POM121: variants seen among roughly 807,000 people sequenced by gnomAD.
POM121 encodes the protein POM121 transmembrane nucleoporin.
POM121 carries 32 observed loss-of-function variants against 81.3 expected under a neutral mutation model. That is an observed-to-expected ratio of 0.39 (90% CI 0.30 to 0.53). The LOEUF (loss-of-function observed/expected upper bound fraction) is 0.53. Among genes scored for constraint, POM121 ranks in the 20% least tolerant of loss-of-function variants. The pLI is 0.66. For synonymous variants in POM121, 514 were observed against 694.2 expected (o/e 0.74, Z 4.08); for missense variants, 1,138 against 1,614.6 (o/e 0.70, Z 5.06).
At chr7:72,897,642 A>T (rs1183517148) in intron 3 of POM121, among the ~76,000 whole-genome samples, 2 of 152,222 alleles carry the variant, frequency 1.3e-5, no homozygotes, top group Non-Finnish European at 2.9e-5. Context: ...CCTGGTTATA[A>T]GGCAGCACTC....
upstream of POM121, among the ~76,000 whole-genome samples, chr7:72,923,569 G>C (rs1242734331): frequency 2.1e-5 from 3 of 144,032 alleles, no homozygotes; most frequent in African/African-American, 7.9e-5. Context: ...ACTACAGGCA[G>C]GCGCCACCAC....
At chr7:72,950,298 G>A, downstream of POM121, 3 of 1,000,224 alleles carry the variant, frequency 3.0e-6, no homozygotes, top group Non-Finnish European at 4.4e-6. Flanking sequence ...CAGCTATGGA[G>A]AAATCAACAG....
At chr7:72,920,351 T>TA (rs1320207728), upstream of POM121, among the ~76,000 whole-genome samples, 120 of 148,394 alleles carry the variant, frequency 8.1e-4, no homozygotes, top group African/African-American at 2.8e-3. Context: ...TGGTCTTTTT[T>TA]TTTTTTTTTT....
downstream of POM121, chr7:72,948,969 G>A (rs1554504127): frequency 1.2e-5 from 19 of 1,610,994 alleles, no homozygotes; most frequent in Non-Finnish European, 1.6e-5. Context: ...AGCACATGGA[G>A]TAGACGAGCC....
At chr7:72,885,803 C>T (rs1275776356) in intron 1 of POM121, among the ~76,000 whole-genome samples, 10 of 149,290 alleles carry the variant, frequency 6.7e-5, no homozygotes, top group African/African-American at 7.5e-5. Context: ...GGTTATAGTC[C>T]GTTGTCTTTG....
At chr7:72,895,575 G>A (rs1251966290) in intron 3 of POM121, among the ~76,000 whole-genome samples, 6 of 152,042 alleles carry the variant, frequency 3.9e-5, no homozygotes, top group African/African-American at 1.4e-4. Flanking sequence ...TTCTGTCATC[G>A]TTCAGTCTAC....
chr7:72,928,225 T>G (rs1409498046), intron 3 of POM121, among the ~76,000 whole-genome samples, 160 bp from the exon 4 acceptor site: 1 of 152,212 alleles, frequency 6.6e-6, no homozygotes, highest in Non-Finnish European at 1.5e-5. Flanking sequence ...AAAAAAAATT[T>G]ACCTTTCAGA....
intron 5 of POM121, among the ~76,000 whole-genome samples, chr7:72,934,681 AT>A (rs1363858439): frequency 6.6e-6 from 1 of 152,120 alleles, no homozygotes; most frequent in East Asian, 1.9e-4. Flanking sequence ...TGGAATCAAA[AT>A]TAGTTTTTTT....
rs782669472 is a variant in POM121, at chr7:72,943,155, G to A, written c.3162G>A (p.Gln1054=). ...CCTTCGGCGCTCCCGCCAGCTCACA[G>A]CCCGCCTTTGGCGGCTCCACTGCTG... is the stretch of plus-strand genomic sequence containing the variant. ...ASAFGAPASS[Q]PAFGGSTAVF... is the part of the protein sequence containing the mutation. The change falls in exon 11 of 13, where the codon CAG becomes CAA. Residue 1054 remains glutamine, a synonymous_variant. Coordinates refer to ENST00000434423, the MANE Select transcript of POM121 (RefSeq NM_001387691.1). 1.2e-6 allele frequency: 2 copies of A among 1,613,404 alleles called. No individual in the cohort carries two copies. Among genetic ancestry groups the A allele is most frequent in the Non-Finnish European group, 8.5e-7 (1 of 1,179,752 alleles).
chr7:72,925,244 G>A lies in POM121; in HGVS notation c.123G>A (p.Leu41=), dbSNP rs1342755847. The change falls in exon 1 of 13, where the codon CTG becomes CTA. Residue 41 remains leucine (L), a synonymous_variant. Coordinates refer to ENST00000434423, the MANE Select transcript of POM121 (RefSeq NM_001387691.1). ...PARAVLLGLS[L]VGLLLYLVPA... is the part of the protein sequence containing the mutation. Reference sequence around the variant, plus strand: ...GGGCGGTGCTCCTGGGCCTGTCGCTGGTTGGCCTCTTACTGTACCTCGTGC... The same window carrying A: ...GGGCGGTGCTCCTGGGCCTGTCGCTAGTTGGCCTCTTACTGTACCTCGTGC... 9.8e-6 allele frequency: 15 copies of A among 1,533,946 alleles called. No homozygotes were observed. The highest frequency in any genetic ancestry group is 1.2e-5 in the Non-Finnish European group (14 of 1,146,202).
chr7:72,921,535 A>C (rs2129577240), upstream of POM121, among the ~76,000 whole-genome samples: 1 of 152,310 alleles, frequency 6.6e-6, no homozygotes, highest in African/African-American at 2.4e-5. Flanking sequence ...AGGTAGAGGA[A>C]CTAGGTGACT....
chr7:72,944,276 A>G (rs1171462901), intron 11 of POM121, among the ~76,000 whole-genome samples: 15 of 152,010 alleles, frequency 9.9e-5, no homozygotes, highest in Non-Finnish European at 1.6e-4. Flanking sequence ...GTGTTCAGGA[A>G]AACCATTGCA....
chr7:72,949,073 C>T (rs185443744), downstream of POM121: 502 of 1,613,178 alleles, frequency 3.1e-4, 8 homozygotes, highest in East Asian at 8.7e-3. Context: ...GTCCCTGCCC[C>T]GGGCTCCTCC....
At chr7:72,923,567 C>T (rs1311622449), upstream of POM121, among the ~76,000 whole-genome samples, 3 of 149,822 alleles carry the variant, frequency 2.0e-5, no homozygotes, top group African/African-American at 7.5e-5. Flanking sequence ...GGACTACAGG[C>T]AGGCGCCACC....
chr7:72,948,847 G>C (rs782658367), downstream of POM121: 18 of 1,572,730 alleles, frequency 1.1e-5, no homozygotes, highest in Admixed American at 1.0e-4. Context: ...TAAGAGAGCA[G>C]TTCACCCCAT....
At chr7:72,889,654 G>C (rs1226195085) in intron 1 of POM121, among the ~76,000 whole-genome samples, 1 of 152,198 alleles carries the variant, frequency 6.6e-6, no homozygotes, top group Non-Finnish European at 1.5e-5. Flanking sequence ...CTACAGGCAT[G>C]TGCCATGATG....
Position 72,943,270 on chromosome 7 carries a change from A to C in POM121, c.3277A>C (p.Thr1093Pro), listed in dbSNP as rs782498400. The stretch of plus-strand genomic sequence containing the variant: ...CAGCAGCTCGGTGTTTGGCAGCACA[A>C]CACCATCACCCTTCACGTTTGGGGG... ...GSSSSVFGSTTPSPFTFGGSA... is the reference protein window; with the variant it reads ...GSSSSVFGSTPPSPFTFGGSA... Residue 1093 changes from threonine (T) to proline (P), a missense_variant, in exon 11 of 13, where the codon ACA (threonine) becomes CCA (proline). This residue lies in a region of POM121 where 336 missense variants were observed against 344.3 expected (regional missense o/e 0.98). Coordinates refer to ENST00000434423, the MANE Select transcript of POM121 (RefSeq NM_001387691.1). The C allele has an allele frequency of 2.2e-5, 35 of 1,610,574 alleles. No homozygotes were observed. Among genetic ancestry groups the C allele is most frequent in the East Asian group, 4.5e-5 (2 of 44,748 alleles).
At chr7:72,946,088 G>A in intron 12 of POM121, 49 bp from the exon 13 acceptor site, 30 of 1,600,566 alleles carry the variant, frequency 1.9e-5, no homozygotes, top group Non-Finnish European at 2.5e-5. Context: ...CCCAGAGTCA[G>A]AGTCTCAGGT....
At chr7:72,948,903 CG>C (rs1797898555), downstream of POM121, 1 of 1,612,136 alleles carries the variant, frequency 6.2e-7, no homozygotes, top group African/African-American at 1.3e-5. Flanking sequence ...TGAAGGCGCC[CG>C]GGTTCTGCTG....
Sources: gnomAD v4.1 joint callset for allele counts (sites outside exome capture counted in the v4.1 genomes callset) on GRCh38, gnomAD v4.1.1 for gene constraint, gnomAD v4.1.1 regional missense constraint, MANE v1.5 for transcripts, NCBI Gene and HGNC (gene_info 2026-07-23, HGNC 2026-07-21) for gene names.